DCAF6: variants seen among roughly 807,000 people sequenced by gnomAD.
DCAF6 encodes the protein DDB1 and CUL4 associated factor 6.
DCAF6 carries 54 observed loss-of-function variants against 125.1 expected under a neutral mutation model. The observed-to-expected ratio is 0.43, with a 90% CI of 0.35 to 0.54. The LOEUF is 0.54. DCAF6 is among the 20% of genes least tolerant of loss of function. The pLI, the probability that DCAF6 is intolerant of heterozygous loss-of-function variation, is 0.01. For missense variants in DCAF6, 934 were observed against 1,161.7 expected (o/e 0.80, Z 2.85); for synonymous variants, 371 against 390.4 (o/e 0.95, Z 0.58).
chr1:167,934,203 A>G (rs1670993059), upstream of DCAF6, among the ~76,000 whole-genome samples: 1 of 152,232 alleles, frequency 6.6e-6, no homozygotes, highest in Non-Finnish European at 1.5e-5. Flanking sequence ...ACAGGTGGCT[A>G]AAAACTAAAG....
chr1:167,976,986 C>T (rs565505045), intron 4 of DCAF6, among the ~76,000 whole-genome samples: 1 of 138,430 alleles, frequency 7.2e-6, no homozygotes, highest in Admixed American at 8.2e-5. Context: ...TCACCACAAC[C>T]TCTGCCTCCT....
chr1:167,907,519 G>A, the DCAF6 span, among the ~76,000 whole-genome samples: 7 of 152,238 alleles, frequency 4.6e-5, no homozygotes, highest in Non-Finnish European at 8.8e-5. Flanking sequence ...CAGAAGTGAC[G>A]TATTTCACTT....
intron 7 of DCAF6, among the ~76,000 whole-genome samples, chr1:168,001,985 C>G (rs1682707055): frequency 6.6e-6 from 1 of 152,044 alleles, no homozygotes. Context: ...TAGCCTGAGG[C>G]AAGTCATAAA....
chr1:167,980,916 C>CTTTTTTTTTTT (rs71100920), intron 4 of DCAF6, among the ~76,000 whole-genome samples: 8 of 113,596 alleles, frequency 7.0e-5, no homozygotes, highest in Non-Finnish European at 8.9e-5. Context: ...TCTGAATTTT[C>CTTTTTTTTTTT]TTTTTTTTTT....
At position 167,974,932 on chromosome 1, in the gene DCAF6, G is replaced by A. The variant is rs780456850; in HGVS notation, c.355G>A (p.Val119Ile). 4 of 1,609,302 alleles carry A rather than the reference G, an allele frequency of 2.5e-6. No individual in the cohort carries two copies. In the East Asian group the frequency reaches 6.7e-5, roughly 27 times the overall value. The change falls in exon 4 of 22, where the codon GTA (valine) becomes ATA (isoleucine). Residue 119 changes from valine (V) to isoleucine (I), a missense_variant. Physicochemically the swap from Val to Ile is conservative, Grantham distance 29. This residue lies in a region of DCAF6 where 309 missense variants were observed against 381.2 expected (regional missense o/e 0.81). Coordinates refer to ENST00000367840, the MANE Select transcript of DCAF6 (RefSeq NM_001198956.2). ...GATTGTATCCTGCTCTGGAGATGGAGTAATATTTTATACCAACGTTGAGCA... is the reference window on the plus strand; with the variant it reads ...GATTGTATCCTGCTCTGGAGATGGAATAATATTTTATACCAACGTTGAGCA... Reference protein sequence around the residue: ...KQIVSCSGDGVIFYTNVEQDA... With the variant: ...KQIVSCSGDGIIFYTNVEQDA...
intron 12 of DCAF6, 140 bp downstream of exon 12, chr1:168,023,187 A>AG (rs1430508641): frequency 1.2e-6 from 1 of 848,132 alleles, no homozygotes. Context: ...AAATTACAAT[A>AG]GGTGGTATTG....
At chr1:168,045,940 A>G (rs1025607500) in intron 16 of DCAF6, among the ~76,000 whole-genome samples, 3 of 152,102 alleles carry the variant, frequency 2.0e-5, no homozygotes, top group Non-Finnish European at 4.4e-5. Flanking sequence ...TCTTTCAGAG[A>G]ACCTAGTTTT....
At chr1:167,883,889 A>G in the DCAF6 span, among the ~76,000 whole-genome samples, 1 of 152,188 alleles carries the variant, frequency 6.6e-6, no homozygotes, top group Non-Finnish European at 1.5e-5. Flanking sequence ...CCTCATGCCA[A>G]TATGAGCCAT....
rs1354207197 is a variant in DCAF6 at position 167,945,878 on chromosome 1, G to A, written c.98-5922G>A. Reference sequence around the variant, plus strand: ...GTTTTCATTTTGAATCATTATTGGTGTGTAGAAACACTACTAATTTTTGTA... The same window carrying A: ...GTTTTCATTTTGAATCATTATTGGTATGTAGAAACACTACTAATTTTTGTA... On this transcript the variant is annotated intron_variant, in intron 1 of 21. Coordinates refer to ENST00000367840, the MANE Select transcript of DCAF6 (RefSeq NM_001198956.2). 2.7e-5 allele frequency among the ~76,000 whole-genome samples: 4 copies of A among 149,438 alleles called. No homozygotes were observed. In the East Asian group the frequency reaches 7.8e-4, roughly 29 times the overall value.
At chr1:168,005,554 G>T (rs916080042) in intron 10 of DCAF6, among the ~76,000 whole-genome samples, 3 of 151,994 alleles carry the variant, frequency 2.0e-5, no homozygotes, top group Non-Finnish European at 4.4e-5. Context: ...TTTATTCATA[G>T]TTTTCTTTGG....
At chr1:167,868,794 T>C in the DCAF6 span, among the ~76,000 whole-genome samples, 2 of 152,208 alleles carry the variant, frequency 1.3e-5, no homozygotes, top group African/African-American at 2.4e-5. Flanking sequence ...TACAATACTA[T>C]AGGCCTGCCA....
At chr1:168,004,303 T>G (rs144121890) in intron 9 of DCAF6, among the ~76,000 whole-genome samples, 22 of 152,292 alleles carry the variant, frequency 1.4e-4, no homozygotes, top group African/African-American at 5.3e-4. Context: ...TAAACAAGTT[T>G]TATGTAATAG....
chr1:167,970,138 G>A (rs1174730951), intron 3 of DCAF6, among the ~76,000 whole-genome samples: 3 of 152,208 alleles, frequency 2.0e-5, no homozygotes, highest in East Asian at 3.9e-4. Flanking sequence ...GCTTTTTGAC[G>A]ATCACTATTC....
At chr1:168,040,910 A>T (rs974656934) in intron 13 of DCAF6, among the ~76,000 whole-genome samples, 13 of 150,052 alleles carry the variant, frequency 8.7e-5, no homozygotes, top group African/African-American at 2.9e-4. Flanking sequence ...AAAACCAAAC[A>T]GGCAGAACTT....
intron 20 of DCAF6, among the ~76,000 whole-genome samples, chr1:168,067,823 T>G (rs2101991559): frequency 6.6e-6 from 1 of 152,322 alleles, no homozygotes; most frequent in African/African-American, 2.4e-5. Context: ...GGTTACATAT[T>G]GCATCTCTGG....
chr1:168,009,855 A>G (rs759376930), intron 10 of DCAF6, among the ~76,000 whole-genome samples: 4 of 117,088 alleles, frequency 3.4e-5, no homozygotes, highest in Non-Finnish European at 7.0e-5. Flanking sequence ...TTCTTTTACT[A>G]TGATAAGCTC....
At chr1:167,929,418 A>G in the DCAF6 span, among the ~76,000 whole-genome samples, 1 of 152,196 alleles carries the variant, frequency 6.6e-6, no homozygotes, top group Non-Finnish European at 1.5e-5. Context: ...CAAGAATGAA[A>G]AATACTGACT....
chr1:167,900,208 G>A, the DCAF6 span, among the ~76,000 whole-genome samples: 5 of 152,208 alleles, frequency 3.3e-5, no homozygotes, highest in Non-Finnish European at 7.3e-5. Context: ...TGAACTGTAA[G>A]TGACACACAT....
the DCAF6 span, among the ~76,000 whole-genome samples, chr1:167,926,825 T>A: frequency 6.6e-6 from 1 of 152,194 alleles, no homozygotes; most frequent in Admixed American, 6.5e-5. Context: ...CTTCTCAATA[T>A]CCTGCTTAGT....
Sources: allele counts gnomAD v4.1 joint callset (sites outside exome capture counted in the v4.1 genomes callset), GRCh38; gene constraint gnomAD v4.1.1; regional missense constraint gnomAD v4.1.1; transcripts MANE v1.5; gene names NCBI Gene and HGNC (gene_info 2026-07-23, HGNC 2026-07-21).